Variants in MTRF1L observed in about 807,000 individuals in gnomAD.
MTRF1L encodes mitochondrial translation release factor 1 like.
In MTRF1L, 29 loss-of-function variants were observed where a neutral mutation model predicts 40.0. That is an observed-to-expected ratio of 0.73 (90% confidence interval 0.54 to 0.99). The LOEUF (loss-of-function observed/expected upper bound fraction) is 0.99. MTRF1L is among the 50% of genes least tolerant of loss of function. The probability of loss-of-function intolerance (pLI) is 0.00; values close to 1 mark genes in which losing one functional copy is unlikely to be tolerated. For synonymous variants in MTRF1L, 150 were observed against 175.8 expected, an observed-to-expected ratio of 0.85 and a Z score of 1.16; for missense variants, 412 against 464.5, an observed-to-expected ratio of 0.89 and a Z score of 1.04.
Position 152,989,984 on chromosome 6 carries a change from C to T in MTRF1L, c.1054G>A (p.Gly352Arg), listed in dbSNP as rs769616447. Reference protein sequence around the residue: ...TLHDLETFMQGDYLLDELVQS... With the variant: ...TLHDLETFMQRDYLLDELVQS... ...ACAAGTTCATCCAGTAGATAATCTC[C>T]TTGCATAAAAGTTTCAAGATCATGC... Residue 352 changes from glycine to arginine, a missense_variant, in exon 7 of 7, where the codon GGA becomes AGA. Physicochemically the swap from Gly to Arg is moderately radical, Grantham distance 125 (BLOSUM62 -2). Transcript: ENST00000367233. 8 of 1,613,702 alleles carry T rather than the reference C, an allele frequency of 5.0e-6. No individual in the cohort carries two copies. In the South Asian group the frequency reaches 7.7e-5, roughly 16 times the overall value.
chr6:152,997,978 A>G (rs554149884), intron 2 of MTRF1L, among the ~76,000 whole-genome samples: 2 of 152,218 alleles, frequency 1.3e-5, no homozygotes, highest in East Asian at 3.9e-4. Flanking sequence ...GATGCATTAA[A>G]TGCTGGTATA....
chr6:152,989,900 C>A lies in MTRF1L; in HGVS notation c.1138G>T (p.Val380Phe). 6.2e-7 allele frequency: 1 copy of A among 1,610,058 alleles called. No individual in the cohort carries two copies. Among genetic ancestry groups the A allele is most frequent in the Non-Finnish European group, 8.5e-7 (1 of 1,178,856 alleles). The change falls in exon 7 of 7, where the codon GTT (valine) becomes TTT (phenylalanine). Residue 380 changes from valine (V) to phenylalanine (F), a missense_variant. Transcript: ENST00000367233. ...ESLVEIISQKV is the reference protein window; with the variant it reads ...ESLVEIISQKF ...TCTATAAATAACAAATCAACTTAAA[C>A]TTTTTGGGAAATAATTTCTACTAAA...
Position 152,989,317 on chromosome 6 carries a change from A to G in MTRF1L, c.*578T>C. ...TTTACTGTCTTATTTCTACTACTTT[A>G]TGTTTAAAGTTTTTCATAATATTTA... On this transcript the variant is annotated 3_prime_UTR_variant, in exon 7 of 7. Coordinates refer to ENST00000367233, the MANE Select transcript of MTRF1L (RefSeq NM_019041.7). 1.4e-5 allele frequency: 1 copy of G among 71,240 alleles called. No individual in the cohort carries two copies. The highest frequency in any genetic ancestry group is 2.5e-5 in the Non-Finnish European group (1 of 39,874). The allele number at this position is 71,240 out of a possible 1,614,324, so 4.4% of individuals were successfully genotyped here. A position where few individuals can be genotyped will look rare whatever the true frequency, so the allele number is the denominator to read the frequency against.
chr6:152,995,345 C>T, intron 2 of MTRF1L, 26 bp from the exon 3 acceptor site: 1 of 1,489,680 alleles, frequency 6.7e-7, no homozygotes, highest in Non-Finnish European at 9.0e-7. Context: ...TATCACCCCT[C>T]CTATAATTAA....
At chr6:152,993,053 A>G (rs2129098281) in intron 4 of MTRF1L, 79 bp from the exon 5 acceptor site, 6 of 975,266 alleles carry the variant, frequency 6.2e-6, no homozygotes, top group Non-Finnish European at 9.8e-6. Flanking sequence ...ATTTATGAAT[A>G]TACAACATGT....
In MTRF1L at chr6:152,992,970, T is replaced by C; in HGVS notation, c.692A>G (p.Asn231Ser). ...VAILPQPTEI[N>S]LVINPKDLRI... The stretch of plus-strand genomic sequence containing the variant: ...CAAATCTTTCGGATTAATCACCAGA[T>C]TAATCTATACAGAAGAAAAGTTGGG... Residue 231 changes from asparagine to serine, a missense_variant, in exon 5 of 7, where the codon AAT (asparagine) becomes AGT (serine). By Grantham distance (46) the Asn-to-Ser change is conservative (BLOSUM62 1). Transcript: ENST00000367233. The C allele has an allele frequency of 6.2e-7, 1 of 1,612,916 alleles. No individual in the cohort carries two copies. Among genetic ancestry groups the C allele is most frequent in the Non-Finnish European group, 8.5e-7 (1 of 1,179,392 alleles).
At chr6:153,002,263 G>A (rs892192475) in intron 1 of MTRF1L, among the ~76,000 whole-genome samples, 164 bp downstream of exon 1, 4 of 152,228 alleles carry the variant, frequency 2.6e-5, no homozygotes, top group African/African-American at 9.6e-5. Context: ...GCCCACAGGA[G>A]AGGATGGGAT....
At chr6:152,992,800 C>A in intron 5 of MTRF1L, 57 bp downstream of exon 5, 1 of 1,289,012 alleles carries the variant, frequency 7.8e-7, no homozygotes, top group East Asian at 2.3e-5. Flanking sequence ...GAAAATTAGT[C>A]ATATTATTCC....
At chr6:152,994,467 C>A (rs774949029) in intron 4 of MTRF1L, 46 bp downstream of exon 4, 1 of 1,521,384 alleles carries the variant, frequency 6.6e-7, no homozygotes, top group Non-Finnish European at 8.8e-7. Context: ...GGGGACAAGG[C>A]ACTGTGCTAG....
chr6:152,989,833 C>G lies in MTRF1L; in HGVS notation c.*62G>C. 6.6e-7 allele frequency: 1 copy of G among 1,512,188 alleles called. No homozygotes were observed. Among genetic ancestry groups the G allele is most frequent in the Non-Finnish European group, 8.8e-7 (1 of 1,132,530 alleles). 93.7% of individuals were successfully genotyped at this position (1,512,188 alleles called of 1,614,324 possible). The stretch of plus-strand genomic sequence containing the variant: ...TTTCAAGAGAGTAAGGGTACTTTCA[C>G]CCTATGTGGATGTACTGTAGAATTT... On this transcript the variant is annotated 3_prime_UTR_variant, in exon 7 of 7. Transcript: ENST00000367233.
At chr6:152,999,944 A>G (rs7756899) in intron 1 of MTRF1L, among the ~76,000 whole-genome samples, 32,734 of 152,220 alleles carry the variant, frequency 0.22, 3,647 homozygotes, top group Admixed American at 0.3. Context: ...AAAAAGGAAA[A>G]AAAGATTAAC....
chr6:152,998,678 T>C (rs1778804204), intron 1 of MTRF1L, 49 bp from the exon 2 acceptor site: 2 of 1,288,120 alleles, frequency 1.6e-6, no homozygotes, highest in African/African-American at 1.5e-5. Context: ...TAGTGTTAAA[T>C]TGCTAGCAGA....
chr6:152,991,909 A>G (rs1365917221), intron 5 of MTRF1L, among the ~76,000 whole-genome samples: 7 of 152,212 alleles, frequency 4.6e-5, no homozygotes, highest in Non-Finnish European at 1.0e-4. Flanking sequence ...AAATCATTTA[A>G]TACAGATTGT....
rs752922259 is a variant in MTRF1L at position 152,994,758 on chromosome 6, G to A, written c.524-82C>T. 2.0e-6 allele frequency: 3 copies of A among 1,529,016 alleles called. No individual in the cohort carries two copies. In the South Asian group the frequency reaches 3.4e-5, roughly 17 times the overall value. The allele number at this position is 1,529,016 out of a possible 1,614,324, so 94.7% of individuals were successfully genotyped here. A position where few individuals can be genotyped will look rare whatever the true frequency, so the allele number is the denominator to read the frequency against. On this transcript the variant is annotated intron_variant, in intron 3 of 6. Coordinates refer to ENST00000367233, the MANE Select transcript of MTRF1L (RefSeq NM_019041.7). ...TGACCATCACATCTACTATCTTGAG[G>A]TATATTTTTAAAGTCATAAAAGGAG...
Position 152,994,643 on chromosome 6 carries a change from C to G in MTRF1L, c.557G>C (p.Gly186Ala), listed in dbSNP as rs755142691. The G allele has an allele frequency of 6.2e-7, 1 of 1,614,056 alleles. No homozygotes were observed. The highest frequency in any genetic ancestry group is 8.5e-7 in the Non-Finnish European group (1 of 1,179,976). ...TTTCATGTGCCTATAGGCTTCTGAACCCCCAATGCTGGCAGATGCATGTCT... is the reference window on the plus strand; with the variant it reads ...TTTCATGTGCCTATAGGCTTCTGAAGCCCCAATGCTGGCAGATGCATGTCT... The part of the protein sequence containing the change: ...GLRHASASIG[G>A]SEAYRHMKFE... The change falls in exon 4 of 7, where the codon GGT becomes GCT. Residue 186 changes from glycine to alanine, a missense_variant. Physicochemically the swap from Gly to Ala is moderately conservative, Grantham distance 60. Coordinates refer to ENST00000367233, the MANE Select transcript of MTRF1L (RefSeq NM_019041.7).
In MTRF1L at chr6:152,994,503, T is replaced by G. The variant is rs1366444989; in HGVS notation, c.687+10A>C. 10 of 1,603,108 alleles carry G rather than the reference T, an allele frequency of 6.2e-6. No homozygotes were observed. Among genetic ancestry groups the G allele is most frequent in the Admixed American group, 1.7e-5 (1 of 59,058 alleles). On this transcript the variant is annotated intron_variant, in intron 4 of 6. Transcript: ENST00000367233. The stretch of plus-strand genomic sequence containing the variant: ...GCCCGGGATTCCAAGGAGAGGGGCT[T>G]ATGCCTTACCTCAGTAGGCTGGGGT...
chr6:152,990,040 C>G lies in MTRF1L; in HGVS notation c.998G>C (p.Arg333Pro). 6.2e-7 allele frequency: 1 copy of G among 1,613,824 alleles called. No homozygotes were observed. The highest frequency in any genetic ancestry group is 8.5e-7 in the Non-Finnish European group (1 of 1,179,934). ...CTTGTTTATTCTGTGATCTGTGACCCGGTTCTGTGGAAAATTATATGTTCT... is the reference window on the plus strand; with the variant it reads ...CTTGTTTATTCTGTGATCTGTGACCGGGTTCTGTGGAAAATTATATGTTCT... ...KIRTYNFPQN[R>P]VTDHRINKTL... The change falls in exon 7 of 7, where the codon CGG (arginine) becomes CCG (proline). Residue 333 changes from arginine (R) to proline (P), a missense_variant. Arg to Pro is a moderately radical substitution (Grantham distance 103). Coordinates refer to ENST00000367233, the MANE Select transcript of MTRF1L (RefSeq NM_019041.7).
intron 5 of MTRF1L, among the ~76,000 whole-genome samples, chr6:152,992,297 C>G (rs79712794): frequency 0.011 from 1,727 of 152,260 alleles, 20 homozygotes; most frequent in Non-Finnish European, 0.019. Context: ...ACGTTTAGTT[C>G]GAGCTACAGT....
chr6:152,993,956 AAACAAGTCAGATATCTGCT>A (rs1342433590), intron 4 of MTRF1L, among the ~76,000 whole-genome samples: 1 of 152,250 alleles, frequency 6.6e-6, no homozygotes, highest in African/African-American at 2.4e-5. Flanking sequence ...TCATTCTGAA[AAACAAGTCAGATATCTGCT>A]ATCACTTTTC....
Sources: gnomAD v4.1 joint callset for allele counts (sites outside exome capture counted in the v4.1 genomes callset) on GRCh38, gnomAD v4.1.1 for gene constraint, MANE v1.5 for transcripts, NCBI Gene and HGNC (gene_info 2026-07-23, HGNC 2026-07-21) for gene names.